Variants in BLTP3B observed in about 807,000 individuals in gnomAD.
BLTP3B encodes the protein UHRF1 (ICBP90) binding protein 1-like.
the BLTP3B span, among the ~76,000 whole-genome samples, chr12:100,075,779 G>A: frequency 2.0e-5 from 3 of 152,048 alleles, no homozygotes; most frequent in Non-Finnish European, 2.9e-5. Context: ...AATGTAAATC[G>A]AAACCACAGT....
At chr12:100,112,024 G>C in the BLTP3B span, among the ~76,000 whole-genome samples, 1 of 152,084 alleles carries the variant, frequency 6.6e-6, no homozygotes, top group Non-Finnish European at 1.5e-5. Context: ...TTACAGGTGT[G>C]AACCACCACA....
At chr12:100,049,443 A>G in the BLTP3B span, among the ~76,000 whole-genome samples, 1 of 152,166 alleles carries the variant, frequency 6.6e-6, no homozygotes, top group African/African-American at 2.4e-5. Flanking sequence ...AAATATATGC[A>G]TGTGTGTGAA....
the BLTP3B span, among the ~76,000 whole-genome samples, chr12:100,116,430 C>A: frequency 5.7e-4 from 58 of 102,500 alleles, no homozygotes; most frequent in African/African-American, 2.0e-3. Context: ...GCCTGGGCAA[C>A]AGAGCAAGAT....
the BLTP3B span, among the ~76,000 whole-genome samples, chr12:100,124,965 TA>T: frequency 3.4e-3 from 400 of 118,732 alleles, 7 homozygotes; most frequent in African/African-American, 0.012. Flanking sequence ...TATATATATA[TA>T]TATATATATA....
the BLTP3B span, among the ~76,000 whole-genome samples, chr12:100,042,527 C>T: frequency 6.6e-6 from 1 of 152,096 alleles, no homozygotes; most frequent in Non-Finnish European, 1.5e-5. Flanking sequence ...AGTTAAAGAG[C>T]TAAATTTAAC....
At chr12:100,128,662 G>A in the BLTP3B span, 1 of 1,288,104 alleles carries the variant, frequency 7.8e-7, no homozygotes, top group Non-Finnish European at 1.0e-6. Flanking sequence ...GACTCCTCTG[G>A]TACTCATTTG....
the BLTP3B span, among the ~76,000 whole-genome samples, chr12:100,084,195 A>G: frequency 5.3e-5 from 8 of 151,862 alleles, no homozygotes; most frequent in Admixed American, 5.2e-4. Context: ...TCTCAAAGAA[A>G]AAAAAAAAAT....
the BLTP3B span, chr12:100,050,930 G>A: frequency 9.5e-7 from 1 of 1,049,696 alleles, no homozygotes; most frequent in Non-Finnish European, 1.3e-6. Flanking sequence ...ATTGGGGGGA[G>A]GCATTTTCAA....
the BLTP3B span, chr12:100,039,799 C>A: frequency 1.2e-6 from 2 of 1,602,036 alleles, no homozygotes; most frequent in African/African-American, 1.3e-5. Context: ...TCTGATCAAA[C>A]AAATAACATG....
chr12:100,071,712 T>C, the BLTP3B span, among the ~76,000 whole-genome samples: 1 of 152,158 alleles, frequency 6.6e-6, no homozygotes, highest in South Asian at 2.1e-4. Flanking sequence ...TTCTGAAAAT[T>C]GTAAATGCTA....
chr12:100,061,264 T>A, the BLTP3B span, among the ~76,000 whole-genome samples: 56 of 152,100 alleles, frequency 3.7e-4, no homozygotes, highest in Admixed American at 4.6e-4. Context: ...AGTCACAGAG[T>A]AGACTAGGGA....
chr12:100,136,335 AT>A, the BLTP3B span, among the ~76,000 whole-genome samples: 7 of 151,452 alleles, frequency 4.6e-5, no homozygotes, highest in Non-Finnish European at 1.0e-4. Context: ...AATTTTTTTT[AT>A]TTTTTTCTTC....
the BLTP3B span, chr12:100,047,683 A>C: frequency 7.3e-7 from 1 of 1,370,828 alleles, no homozygotes; most frequent in Non-Finnish European, 1.0e-6. Flanking sequence ...TCATTCGGTC[A>C]TATTTTTAAT....
the BLTP3B span, among the ~76,000 whole-genome samples, chr12:100,117,110 C>T: frequency 0.029 from 4,384 of 152,240 alleles, 89 homozygotes; most frequent in African/African-American, 0.058. Context: ...GAGAAATCTT[C>T]CTGGCAGAAA....
chr12:100,055,747 G>T, the BLTP3B span, among the ~76,000 whole-genome samples: 1 of 151,416 alleles, frequency 6.6e-6, no homozygotes, highest in Non-Finnish European at 1.5e-5. Flanking sequence ...GTGACTATGG[G>T]AAAACTACTT....
the BLTP3B span, among the ~76,000 whole-genome samples, chr12:100,140,704 CAAAAA>C: frequency 4.1e-4 from 14 of 33,768 alleles, no homozygotes; most frequent in Admixed American, 3.3e-3. Flanking sequence ...GACTCTGTCT[CAAAAA>C]AAAAAAAAAA....
chr12:100,046,237 A>C, the BLTP3B span, among the ~76,000 whole-genome samples: 2 of 152,190 alleles, frequency 1.3e-5, no homozygotes, highest in Non-Finnish European at 2.9e-5. Flanking sequence ...TATATACCCA[A>C]AGGATTATAA....
the BLTP3B span, chr12:100,050,041 A>C: frequency 3.0e-5 from 29 of 980,482 alleles, no homozygotes; most frequent in Middle Eastern, 3.3e-4. Context: ...CTAACTACTA[A>C]TAATAAGTAA....
At chr12:100,130,830 A>G in the BLTP3B span, among the ~76,000 whole-genome samples, 2 of 152,256 alleles carry the variant, frequency 1.3e-5, no homozygotes, top group African/African-American at 4.8e-5. Context: ...AGGCTGAGGC[A>G]GGAGAATCAT....
Sources: gnomAD v4.1 joint callset for allele counts (sites outside exome capture counted in the v4.1 genomes callset) on GRCh38, gnomAD v4.1.1 for gene constraint, MANE v1.5 for transcripts, NCBI Gene and HGNC (gene_info 2026-07-23, HGNC 2026-07-21) for gene names.